THSD7B: variants seen among roughly 807,000 people sequenced by gnomAD.
The protein encoded by THSD7B is thrombospondin type 1 domain containing 7B.
A neutral mutation model predicts 213.6 loss-of-function variants in THSD7B; 138 were observed. That is an observed-to-expected ratio of 0.65 (90% CI 0.56 to 0.74). The LOEUF (loss-of-function observed/expected upper bound fraction) is 0.74, where lower values mean the gene tolerates loss of function less well. THSD7B is among the 30% of genes least tolerant of loss of function. The pLI is 0.00. For synonymous variants in THSD7B, 742 were observed against 687.0 expected, an observed-to-expected ratio of 1.08 and a Z score of -1.25; for missense variants, 1,931 against 1,991.5, an observed-to-expected ratio of 0.97 and a Z score of 0.58.
chr2:137,081,651 G>A (rs954922833), intron 3 of THSD7B, among the ~76,000 whole-genome samples: 1 of 152,046 alleles, frequency 6.6e-6, no homozygotes, highest in African/African-American at 2.4e-5. Flanking sequence ...TTACTGCTGT[G>A]TGATATTTTA....
intron 15 of THSD7B, among the ~76,000 whole-genome samples, chr2:137,454,400 G>A (rs72851737): frequency 0.069 from 5,449 of 79,188 alleles, 134 homozygotes; most frequent in Non-Finnish European, 0.084. Flanking sequence ...CTATCTGTCT[G>A]TCTGTCTGTC....
rs551180829 is a variant in THSD7B, at chr2:137,075,658, C to T, written c.950+18428C>T. On this transcript the variant is annotated intron_variant, in intron 3 of 27. Coordinates refer to ENST00000409968, the MANE Select transcript of THSD7B (RefSeq NM_001316349.2). ...CTGCGTTCCTTTGGAGCAGGAGAGG[C>T]GCTCTGATTTTTAGAGTTTCCAGTT... Among the ~76,000 whole-genome samples the T allele has an allele frequency of 1.3e-4, 20 of 152,242 alleles. No individual in the cohort carries two copies. The East Asian group carries it at 2.5e-3, about 19-fold the overall frequency.
chr2:136,873,825 T>C (rs1683483463), intron 1 of THSD7B, among the ~76,000 whole-genome samples: 1 of 152,170 alleles, frequency 6.6e-6, no homozygotes, highest in South Asian at 2.1e-4. Flanking sequence ...ACTGTCCTCC[T>C]CATTTTGTGG....
At chr2:136,999,961 G>T (rs968311502) in intron 2 of THSD7B, among the ~76,000 whole-genome samples, 2 of 152,122 alleles carry the variant, frequency 1.3e-5, no homozygotes, top group African/African-American at 4.8e-5. Context: ...TTTTAGGGTA[G>T]ATTCCAATTC....
rs548168697 is a variant in THSD7B, at chr2:137,361,263, A to G, written c.2501-44350A>G. Among the ~76,000 whole-genome samples the G allele has an allele frequency of 1.2e-3, 183 of 152,336 alleles. 1 individual carries two copies. Among genetic ancestry groups the G allele is most frequent in the African/African-American group, 4.1e-3 (171 of 41,594 alleles). On this transcript the variant is annotated intron_variant, in intron 12 of 27. Coordinates refer to ENST00000409968, the MANE Select transcript of THSD7B (RefSeq NM_001316349.2). Reference sequence around the variant, plus strand: ...AAAGACCAAAGGTAGATAAAACCACAAAGATGGCGAGGAACCAGAGCAGAA... The same window carrying G: ...AAAGACCAAAGGTAGATAAAACCACGAAGATGGCGAGGAACCAGAGCAGAA...
intron 7 of THSD7B, among the ~76,000 whole-genome samples, chr2:137,180,042 C>A (rs192462227): frequency 1.3e-5 from 2 of 152,054 alleles, no homozygotes; most frequent in African/African-American, 2.4e-5. Context: ...GTTATTGGTT[C>A]AGAAATGGGT....
intron 7 of THSD7B, among the ~76,000 whole-genome samples, chr2:137,207,286 G>A (rs1453260911): frequency 6.6e-6 from 1 of 152,070 alleles, no homozygotes; most frequent in African/African-American, 2.4e-5. Flanking sequence ...TTTGCTCAAG[G>A]TCAGAAGATT....
chr2:136,863,114 T>A (rs569378617), intron 1 of THSD7B, among the ~76,000 whole-genome samples: 20 of 152,230 alleles, frequency 1.3e-4, no homozygotes, highest in African/African-American at 4.1e-4. Flanking sequence ...GTCATTCTAA[T>A]AGTGCCTAGA....
At chr2:137,368,395 AT>A (rs1214051346) in intron 12 of THSD7B, among the ~76,000 whole-genome samples, 3 of 150,958 alleles carry the variant, frequency 2.0e-5, no homozygotes, top group East Asian at 2.0e-4. Flanking sequence ...TATCTTAGGC[AT>A]TTTTTTCAAG....
At chr2:137,303,048 G>A (rs1367233410) in intron 12 of THSD7B, among the ~76,000 whole-genome samples, 1 of 152,092 alleles carries the variant, frequency 6.6e-6, no homozygotes, top group Admixed American at 6.6e-5. Context: ...TGTCACCCAG[G>A]TTGGAGTGCA....
chr2:137,453,490 C>G lies in THSD7B; in HGVS notation c.3138+2467C>G, dbSNP rs62167972. Among the ~76,000 whole-genome samples the G allele has an allele frequency of 3.3e-5, 5 of 151,576 alleles. No individual in the cohort carries two copies. In the East Asian group the frequency reaches 7.8e-4, roughly 24 times the overall value. On this transcript the variant is annotated intron_variant, in intron 15 of 27. Coordinates refer to ENST00000409968, the MANE Select transcript of THSD7B (RefSeq NM_001316349.2). The stretch of plus-strand genomic sequence containing the variant: ...GGCTACAGGCTTCTGCCACCACGCC[C>G]GGCTAATTTTTTGTATTTTTAGTAG...
intron 12 of THSD7B, among the ~76,000 whole-genome samples, chr2:137,340,981 G>GTTTTTTTTTTTTTTT (rs70978213): frequency 2.0e-5 from 2 of 98,662 alleles, no homozygotes; most frequent in South Asian, 3.5e-4. Flanking sequence ...TTCTCTTTTT[G>GTTTTTTTTTTTTTTT]TTTTTTTTTT....
chr2:137,649,712 A>G (rs1402786662), intron 21 of THSD7B, among the ~76,000 whole-genome samples: 1 of 152,148 alleles, frequency 6.6e-6, no homozygotes, highest in African/African-American at 2.4e-5. Flanking sequence ...TGATTTGCCT[A>G]CTACAGGTTT....
At chr2:136,806,197 T>G (rs1682278028) in intron 1 of THSD7B, among the ~76,000 whole-genome samples, 2 of 152,230 alleles carry the variant, frequency 1.3e-5, no homozygotes, top group African/African-American at 4.8e-5. Flanking sequence ...TTTTTATCTT[T>G]TTCAGCCCAT....
Position 137,115,301 on chromosome 2 carries a change from G to A in THSD7B, c.1369+8G>A. The A allele has an allele frequency of 6.5e-7, 1 of 1,542,558 alleles. No homozygotes were observed. The highest frequency in any genetic ancestry group is 1.4e-5 in the African/African-American group (1 of 72,162). Reference sequence around the variant, plus strand: ...CACTGAGGGCCAAGGAAGGTAGGCAGCCAGTTCCGGGACAGATGGTGCACT... The same window carrying A: ...CACTGAGGGCCAAGGAAGGTAGGCAACCAGTTCCGGGACAGATGGTGCACT... On this transcript the variant is annotated splice_region_variant and intron_variant, in intron 5 of 27. Coordinates refer to ENST00000409968, the MANE Select transcript of THSD7B (RefSeq NM_001316349.2).
chr2:136,996,798 G>T (rs755512129), intron 2 of THSD7B, among the ~76,000 whole-genome samples: 93 of 152,126 alleles, frequency 6.1e-4, no homozygotes, highest in Non-Finnish European at 5.9e-5. Flanking sequence ...CAAATGCATA[G>T]AAGTATAAAT....
intron 2 of THSD7B, among the ~76,000 whole-genome samples, chr2:136,947,988 G>A (rs547499237): frequency 1.4e-4 from 22 of 152,168 alleles, no homozygotes; most frequent in South Asian, 8.3e-4. Context: ...CTTTACTCAC[G>A]CCTGATGAAC....
chr2:137,617,974 T>C (rs1682439308), intron 18 of THSD7B, among the ~76,000 whole-genome samples: 2 of 152,172 alleles, frequency 1.3e-5, no homozygotes, highest in Non-Finnish European at 2.9e-5. Context: ...AGGATTTAAA[T>C]ATATGAATTT....
At chr2:137,423,360 G>C (rs1178212649) in intron 14 of THSD7B, among the ~76,000 whole-genome samples, 2 of 151,960 alleles carry the variant, frequency 1.3e-5, no homozygotes, top group African/African-American at 4.8e-5. Context: ...ACATCTATTG[G>C]CAGATAAAAT....
Sources: allele counts gnomAD v4.1 joint callset (sites outside exome capture counted in the v4.1 genomes callset), GRCh38; gene constraint gnomAD v4.1.1; transcripts MANE v1.5; gene names NCBI Gene and HGNC (gene_info 2026-07-23, HGNC 2026-07-21).